Variants in DIP2C observed in about 807,000 individuals in gnomAD.
DIP2C encodes DIP2 acetate--CoA ligase C (putative).
A neutral mutation model predicts 192.4 loss-of-function variants in DIP2C; 33 were observed. The ratio of observed to expected loss-of-function variants is 0.17; its 90% confidence interval spans 0.13 to 0.23. The LOEUF (loss-of-function observed/expected upper bound fraction) is 0.23, where lower values mean the gene tolerates loss of function less well. DIP2C is among the 10% of genes least tolerant of loss of function. DIP2C has a pLI of 1.00. For synonymous variants in DIP2C, 979 were observed against 864.1 expected, an observed-to-expected ratio of 1.13 and a Z score of -2.33; for missense variants, 1,537 against 2,110.1, an observed-to-expected ratio of 0.73 and a Z score of 5.32.
chr10:294,743 CTCCT>C (rs1955666736), intron 32 of DIP2C, among the ~76,000 whole-genome samples: 1 of 151,958 alleles, frequency 6.6e-6, no homozygotes, highest in South Asian at 2.1e-4. Flanking sequence ...TTTTTGGGAA[CTCCT>C]TCGTTTTTAA....
At chr10:687,868 C>T (rs748273071) in intron 1 of DIP2C, among the ~76,000 whole-genome samples, 1 of 152,202 alleles carries the variant, frequency 6.6e-6, no homozygotes, top group Non-Finnish European at 1.5e-5. Flanking sequence ...AGATGGGGCT[C>T]GCCCTGCTGA....
At chr10:482,618 T>A (rs142337904) in intron 2 of DIP2C, among the ~76,000 whole-genome samples, 153 of 152,244 alleles carry the variant, frequency 1.0e-3, no homozygotes, top group African/African-American at 3.5e-3. Context: ...AAGAAACATT[T>A]CACAGACAAA....
chr10:577,772 G>A (rs923740012), intron 1 of DIP2C, among the ~76,000 whole-genome samples: 11 of 151,980 alleles, frequency 7.2e-5, no homozygotes, highest in Non-Finnish European at 1.2e-4. Context: ...AGAGGAACTT[G>A]GCTGAGACTA....
At chr10:303,232 C>T (rs1956140349) in intron 32 of DIP2C, among the ~76,000 whole-genome samples, 1 of 151,706 alleles carries the variant, frequency 6.6e-6, no homozygotes, top group South Asian at 2.1e-4. Flanking sequence ...AAAAACTACT[C>T]GCGAGCTAAG....
intron 29 of DIP2C, among the ~76,000 whole-genome samples, chr10:337,100 T>C (rs555922476): frequency 1.2e-4 from 14 of 119,848 alleles, no homozygotes; most frequent in South Asian, 3.2e-4. Context: ...GGTGTGTGTG[T>C]GCGTGTGTGT....
chr10:376,985 G>A (rs1403719749), intron 17 of DIP2C, among the ~76,000 whole-genome samples: 1 of 152,130 alleles, frequency 6.6e-6, no homozygotes, highest in Non-Finnish European at 1.5e-5. Flanking sequence ...TGTAAAAGCA[G>A]CCAATATATT....
intron 1 of DIP2C, among the ~76,000 whole-genome samples, chr10:529,889 C>T (rs1847268429): frequency 6.6e-6 from 1 of 152,182 alleles, no homozygotes; most frequent in South Asian, 2.1e-4. Flanking sequence ...AGCAATCCTC[C>T]TGCCTCAGCC....
In DIP2C at chr10:419,169, G is replaced by C; in HGVS notation, c.635C>G (p.Thr212Arg). 1 of 1,614,254 alleles carries C rather than the reference G, an allele frequency of 6.2e-7. No individual in the cohort carries two copies. ...CTGTATCGAGTGCTCTGAGGTGTACGTGGTTACGTCAGGAGGTGCAGAATG... is the reference window on the plus strand; with the variant it reads ...CTGTATCGAGTGCTCTGAGGTGTACCTGGTTACGTCAGGAGGTGCAGAATG... The part of the protein sequence containing the change: ...ENHSAPPDVT[T>R]YTSEHSIQVE... The change falls in exon 6 of 37, where the codon ACG (threonine) becomes AGG (arginine). Residue 212 changes from threonine (T) to arginine (R), a missense_variant. Thr to Arg is a moderately conservative substitution (Grantham distance 71). Transcript: ENST00000280886.
intron 14 of DIP2C, among the ~76,000 whole-genome samples, chr10:387,126 C>A (rs948693349): frequency 3.9e-5 from 6 of 152,188 alleles, no homozygotes; most frequent in African/African-American, 1.4e-4. Flanking sequence ...GGGACAGTAG[C>A]CCACACACGA....
chr10:330,180 A>G (rs1223013911), intron 29 of DIP2C, among the ~76,000 whole-genome samples: 2 of 152,234 alleles, frequency 1.3e-5, no homozygotes, highest in Non-Finnish European at 2.9e-5. Context: ...GCCAGGGTGA[A>G]AAAAAGACAA....
At chr10:453,323 C>G (rs988074908) in intron 3 of DIP2C, among the ~76,000 whole-genome samples, 1 of 151,608 alleles carries the variant, frequency 6.6e-6, no homozygotes, top group African/African-American at 2.4e-5. Context: ...ACAGAAATCT[C>G]TCGGGTGAAG....
rs1483049419 is a variant in DIP2C at position 413,825 on chromosome 10, A to G, written c.1057+88T>C. 4.0e-6 allele frequency: 6 copies of G among 1,494,028 alleles called. No individual in the cohort carries two copies. In the East Asian group the frequency reaches 1.4e-4, roughly 35 times the overall value. The allele number at this position is 1,494,028 out of a possible 1,614,324, so 92.5% of individuals were successfully genotyped here. ...GTTAGCCTCGGGATTACCTTAAGTG[A>G]GGATGTAAACGGACACTGAGTTTCC... On this transcript the variant is annotated intron_variant, in intron 8 of 36. Transcript: ENST00000280886.
At chr10:350,015 G>A (rs1195040637) in intron 24 of DIP2C, among the ~76,000 whole-genome samples, 1 of 152,194 alleles carries the variant, frequency 6.6e-6, no homozygotes, top group Non-Finnish European at 1.5e-5. Context: ...TATTTGTGCA[G>A]GAAAATACCT....
chr10:326,914 T>C (rs1957296462), intron 31 of DIP2C, 92 bp downstream of exon 31: 1 of 1,449,190 alleles, frequency 6.9e-7, no homozygotes, highest in Non-Finnish European at 9.2e-7. Flanking sequence ...TAGCTAAGCA[T>C]CAGCCGAGGG....
intron 1 of DIP2C, among the ~76,000 whole-genome samples, chr10:592,200 G>A (rs139458739): frequency 8.5e-5 from 13 of 152,186 alleles, no homozygotes; most frequent in East Asian, 5.8e-4. Flanking sequence ...TGTAATAATC[G>A]GAGGACCCAT....
chr10:422,928 G>T lies in DIP2C; in HGVS notation c.500C>A (p.Ala167Asp). Residue 167 changes from alanine to aspartate, a missense_variant, in exon 5 of 37, where the codon GCC (alanine) becomes GAC (aspartate). Physicochemically the swap from Ala to Asp is moderately radical, Grantham distance 126. This residue lies in a region of DIP2C where 473 missense variants were observed against 539.6 expected (regional missense o/e 0.88). Transcript: ENST00000280886. Reference protein sequence around the residue: ...SINMEHWISQAIHGSTTSTTS... With the variant: ...SINMEHWISQDIHGSTTSTTS... ...GGTGGACGTGGTGGAGCCGTGGATG[G>T]CCTGGCTGATCCAGTGCTCCATATT... 2 of 1,614,148 alleles carry T rather than the reference G, an allele frequency of 1.2e-6. No individual in the cohort carries two copies. Among genetic ancestry groups the T allele is most frequent in the Non-Finnish European group, 1.7e-6 (2 of 1,180,048 alleles).
chr10:405,535 T>G (rs1056044016), intron 9 of DIP2C, among the ~76,000 whole-genome samples: 1 of 152,208 alleles, frequency 6.6e-6, no homozygotes, highest in Non-Finnish European at 1.5e-5. Flanking sequence ...AAGAGAACGT[T>G]GTACTTACAT....
chr10:557,535 A>T (rs1292961840), intron 1 of DIP2C, among the ~76,000 whole-genome samples: 1 of 150,810 alleles, frequency 6.6e-6, no homozygotes, highest in African/African-American at 2.4e-5. Context: ...CACGTTTCTC[A>T]AAGCCAAAGG....
chr10:463,707 C>T (rs1969976186), intron 3 of DIP2C, among the ~76,000 whole-genome samples: 1 of 152,102 alleles, frequency 6.6e-6, no homozygotes, highest in East Asian at 1.9e-4. Flanking sequence ...GCAAAAAGAA[C>T]AAAGCTGGAG....
Sources: gnomAD v4.1 joint callset for allele counts (sites outside exome capture counted in the v4.1 genomes callset) on GRCh38, gnomAD v4.1.1 for gene constraint, gnomAD v4.1.1 regional missense constraint, MANE v1.5 for transcripts, NCBI Gene and HGNC (gene_info 2026-07-23, HGNC 2026-07-21) for gene names.